DYSF: variants seen among roughly 807,000 people sequenced by gnomAD.
DYSF encodes dystrophy-associated fer-1-like 1.
DYSF carries 212 observed loss-of-function variants against 274.9 expected under a neutral mutation model. The ratio of observed to expected loss-of-function variants is 0.77; its 90% CI spans 0.69 to 0.86. The LOEUF (loss-of-function observed/expected upper bound fraction) is 0.86, where lower values mean the gene tolerates loss of function less well. DYSF is among the 40% of genes least tolerant of loss of function. The pLI, the probability that DYSF is intolerant of heterozygous loss-of-function variation, is 0.00. For missense variants in DYSF, 2,666 were observed against 2,783.2 expected, an observed-to-expected ratio of 0.96 and a Z score of 0.95; for synonymous variants, 1,091 against 1,078.7, an observed-to-expected ratio of 1.01 and a Z score of -0.22.
At chr2:71,520,509 C>T (rs2087143269) in intron 11 of DYSF, among the ~76,000 whole-genome samples, 1 of 152,224 alleles carries the variant, frequency 6.6e-6, no homozygotes, top group Admixed American at 6.5e-5. Flanking sequence ...AGGATTTCTC[C>T]TCACCCTGGT....
chr2:71,619,718 C>T (rs559922347), intron 40 of DYSF, among the ~76,000 whole-genome samples: 2 of 152,252 alleles, frequency 1.3e-5, no homozygotes, highest in East Asian at 1.9e-4. Context: ...TTTGCGCTTG[C>T]GATTCCCTCT....
chr2:71,618,146 G>A (rs866599839), intron 40 of DYSF, among the ~76,000 whole-genome samples: 333 of 137,116 alleles, frequency 2.4e-3, no homozygotes, highest in African/African-American at 8.6e-3. Flanking sequence ...GTGTGTGGTA[G>A]AGGTGGTGTG....
chr2:71,556,162 G>A (rs1208054495), intron 22 of DYSF, 91 bp downstream of exon 22: 2 of 1,109,038 alleles, frequency 1.8e-6, no homozygotes, highest in African/African-American at 3.1e-5. Context: ...AGTGAGCAGT[G>A]GCACGTCTCC....
chr2:71,486,679 A>T (rs770168621), intron 3 of DYSF, among the ~76,000 whole-genome samples: 4 of 152,106 alleles, frequency 2.6e-5, no homozygotes, highest in Non-Finnish European at 5.9e-5. Flanking sequence ...AACCCATGAG[A>T]GGGGCAGCCC....
intron 29 of DYSF, 99 bp from the exon 30 acceptor site, chr2:71,574,099 G>A: frequency 6.9e-7 from 1 of 1,452,876 alleles, no homozygotes. Context: ...GAGCTGGTGG[G>A]GAGTTGTCAT....
chr2:71,598,748 G>T lies in DYSF; in HGVS notation c.3756+3G>T. 6.2e-7 allele frequency: 1 copy of T among 1,611,422 alleles called. No homozygotes were observed. The highest frequency in any genetic ancestry group is 8.5e-7 in the Non-Finnish European group (1 of 1,180,006). On this transcript the variant is annotated splice_donor_region_variant and intron_variant, in intron 33 of 55. Coordinates refer to ENST00000410020, the MANE Select transcript of DYSF (RefSeq NM_001130987.2). Reference sequence around the variant, plus strand: ...AGCTGTACGACCATGACACTTATGTGAGTCTGCCCAGCTCCTGCCTCGTCC... The same window carrying T: ...AGCTGTACGACCATGACACTTATGTTAGTCTGCCCAGCTCCTGCCTCGTCC...
rs748106173 is a variant in DYSF at position 71,561,904 on chromosome 2, C to A, written c.2369C>A (p.Ala790Glu). The A allele has an allele frequency of 2.5e-6, 4 of 1,614,134 alleles. No homozygotes were observed. The East Asian group carries it at 8.9e-5, about 36-fold the overall frequency. ...HSELPAALEQ[A>E]EDWLLRLRAL... ...GAGCTCCCTGCAGCTCTGGAGCAGG[C>A]GGAGGACTGGCTCCTGCGTCTGCGT... Residue 790 changes from alanine to glutamate, a missense_variant, in exon 23 of 56, where the codon GCG becomes GAG. Physicochemically the swap from Ala to Glu is moderately radical, Grantham distance 107 (BLOSUM62 -1). Around this residue, in one of 3 missense-constraint regions of DYSF, gnomAD observed 412 missense variants for 504.0 expected, o/e 0.82. Coordinates refer to ENST00000410020, the MANE Select transcript of DYSF (RefSeq NM_001130987.2).
intron 47 of DYSF, among the ~76,000 whole-genome samples, chr2:71,665,947 C>T (rs1308578160): frequency 6.6e-6 from 1 of 152,208 alleles, no homozygotes; most frequent in Admixed American, 6.5e-5. Flanking sequence ...GCCCAGCTGG[C>T]CCCTTGCCTC....
intron 4 of DYSF, among the ~76,000 whole-genome samples, chr2:71,507,499 C>A (rs1369476387): frequency 6.6e-6 from 1 of 152,228 alleles, no homozygotes; most frequent in African/African-American, 2.4e-5. Context: ...GTCTTCTCTG[C>A]CAAGACATCA....
At chr2:71,485,131 TCA>T (rs2083263914) in intron 3 of DYSF, among the ~76,000 whole-genome samples, 1 of 152,252 alleles carries the variant, frequency 6.6e-6, no homozygotes, top group Admixed American at 6.5e-5. Context: ...AACATTTATC[TCA>T]GTTTCAGATT....
At chr2:71,668,716 T>G in intron 48 of DYSF, 38 bp from the exon 49 acceptor site, 4 of 1,598,496 alleles carry the variant, frequency 2.5e-6, no homozygotes, top group South Asian at 1.1e-5. Context: ...GCTGGTTAAA[T>G]GAGAAGGGTG....
At chr2:71,563,604 C>T (rs2091912722) in intron 23 of DYSF, among the ~76,000 whole-genome samples, 1 of 152,196 alleles carries the variant, frequency 6.6e-6, no homozygotes, top group Admixed American at 6.5e-5. Flanking sequence ...CTGGGAAGGG[C>T]ATACCTTCTG....
chr2:71,670,253 G>T, intron 51 of DYSF, among the ~76,000 whole-genome samples: 1 of 152,178 alleles, frequency 6.6e-6, no homozygotes, highest in East Asian at 1.9e-4. Context: ...AGATCCCAAA[G>T]TCACTGCCTC....
chr2:71,488,248 T>C (rs2083516432), intron 3 of DYSF, among the ~76,000 whole-genome samples: 2 of 152,230 alleles, frequency 1.3e-5, no homozygotes, highest in Non-Finnish European at 2.9e-5. Context: ...AATTGCTCTG[T>C]ATGCAAAACA....
intron 55 of DYSF, among the ~76,000 whole-genome samples, 194 bp from the exon 56 acceptor site, chr2:71,686,260 C>T (rs1199749559): frequency 6.6e-6 from 1 of 152,144 alleles, no homozygotes; most frequent in Non-Finnish European, 1.5e-5. Context: ...AGTGTTGAGC[C>T]CCACATGGTA....
chr2:71,543,849 G>A (rs2090203603), intron 17 of DYSF, among the ~76,000 whole-genome samples: 1 of 151,006 alleles, frequency 6.6e-6, no homozygotes, highest in Middle Eastern at 3.4e-3. Flanking sequence ...GAGGGAGACC[G>A]TGGAAAGAGA....
At chr2:71,578,315 G>C (rs1362204706) in intron 30 of DYSF, among the ~76,000 whole-genome samples, 1 of 152,180 alleles carries the variant, frequency 6.6e-6, no homozygotes, top group East Asian at 1.9e-4. Flanking sequence ...TCTGAGAGAG[G>C]CAGAGCATGT....
At chr2:71,640,399 A>T (rs140061162) in intron 41 of DYSF, among the ~76,000 whole-genome samples, 3 of 152,326 alleles carry the variant, frequency 2.0e-5, no homozygotes, top group African/African-American at 7.2e-5. Flanking sequence ...ATTATAAACT[A>T]GGGGCTGGCA....
At chr2:71,502,076 ACT>A (rs2085030320) in intron 3 of DYSF, among the ~76,000 whole-genome samples, 1 of 93,126 alleles carries the variant, frequency 1.1e-5, no homozygotes, top group Non-Finnish European at 2.2e-5. Context: ...TCTCTCCATG[ACT>A]CTGTGTGTGT....
Sources: gnomAD v4.1 joint callset for allele counts (sites outside exome capture counted in the v4.1 genomes callset) on GRCh38, gnomAD v4.1.1 for gene constraint, gnomAD v4.1.1 regional missense constraint, MANE v1.5 for transcripts, NCBI Gene and HGNC (gene_info 2026-07-23, HGNC 2026-07-21) for gene names.